ARCN1: variants seen among roughly 807,000 people sequenced by gnomAD.
ARCN1 encodes coatomer subunit delta.
In ARCN1, 5 loss-of-function variants were observed where a neutral mutation model predicts 60.4. The observed-to-expected ratio is 0.08, with a 90% CI of 0.04 to 0.17. The LOEUF is 0.17. Among genes scored for constraint, ARCN1 ranks in the 10% least tolerant of loss-of-function variants. The pLI is 1.00. For synonymous variants in ARCN1, 224 were observed against 220.0 expected, an observed-to-expected ratio of 1.02 and a Z score of -0.16; for missense variants, 464 against 626.5, an observed-to-expected ratio of 0.74 and a Z score of 2.77.
In ARCN1 at chr11:118,593,662, T is replaced by C; in HGVS notation, c.1205T>C (p.Leu402Ser). ...NIEYELQEDN[L>S]ELNDVVITIP... ...GAATATGAGCTACAAGAAGATAATT[T>C]AGAACTGAATGATGTGGTTATCACC... Residue 402 changes from leucine to serine, a missense_variant, in exon 8 of 10, where the codon TTA becomes TCA. This residue lies in a region of ARCN1 where 359 missense variants were observed against 440.2 expected (regional missense o/e 0.82). Transcript: ENST00000264028. The C allele has an allele frequency of 6.2e-7, 1 of 1,613,434 alleles. No homozygotes were observed. Among genetic ancestry groups the C allele is most frequent in the Non-Finnish European group, 8.5e-7 (1 of 1,179,428 alleles).
intron 8 of ARCN1, 176 bp downstream of exon 8, chr11:118,593,874 T>C (rs541176100): frequency 4.7e-5 from 22 of 471,808 alleles, no homozygotes; most frequent in African/African-American, 4.1e-4. Flanking sequence ...CACTTCTTTG[T>C]CTTTCTGGAA....
chr11:118,581,460 A>G lies in ARCN1; in HGVS notation c.218A>G (p.Asn73Ser). 6.2e-7 allele frequency: 1 copy of G among 1,614,200 alleles called. No individual in the cohort carries two copies. The highest frequency in any genetic ancestry group is 8.5e-7 in the Non-Finnish European group (1 of 1,180,032). Residue 73 changes from asparagine to serine, a missense_variant, in exon 2 of 10, where the codon AAC becomes AGC. Asn to Ser is a conservative substitution (Grantham distance 46, BLOSUM62 1). Around this residue, in one of 2 missense-constraint regions of ARCN1, gnomAD observed 105 missense variants for 186.3 expected, o/e 0.56. Transcript: ENST00000264028. ...KLYMVLITTK[N>S]SNILEDLETL... ...TATATGGTACTGATCACTACCAAAA[A>G]CAGCAACATTTTAGAAGATTTGGAG...
At position 118,576,330 on chromosome 11, in the gene ARCN1, T is replaced by G. The variant is rs148974090; in HGVS notation, c.3+3780T>G. Among the ~76,000 whole-genome samples, 135 of 147,020 alleles carry G rather than the reference T, an allele frequency of 9.2e-4. 3 individuals are homozygous for G. In the East Asian group the frequency reaches 0.013, roughly 14 times the overall value. ...TTTTTTTTTAACCGTCCTGGAGAGA[T>G]CATCTAACTTATGGGCCCTCAGTTT... On this transcript the variant is annotated intron_variant, in intron 1 of 9. Coordinates refer to ENST00000264028, the MANE Select transcript of ARCN1 (RefSeq NM_001655.5).
chr11:118,594,994 C>T (rs1938995769), intron 8 of ARCN1, among the ~76,000 whole-genome samples: 1 of 152,136 alleles, frequency 6.6e-6, no homozygotes, highest in Non-Finnish European at 1.5e-5. Context: ...GGATTACAGG[C>T]GTGTGCCACC....
chr11:118,593,568 G>A, intron 7 of ARCN1, 22 bp from the exon 8 acceptor site: 1 of 1,537,926 alleles, frequency 6.5e-7, no homozygotes, highest in Non-Finnish European at 9.0e-7. Context: ...ATTCTAGTAT[G>A]ACTGCTTTGC....
intron 1 of ARCN1, among the ~76,000 whole-genome samples, chr11:118,573,127 G>A (rs1400846832): frequency 1.3e-5 from 2 of 152,200 alleles, no homozygotes; most frequent in Non-Finnish European, 2.9e-5. Flanking sequence ...GGACCCAAGT[G>A]TCTCTGAAAC....
chr11:118,572,930 G>A, intron 1 of ARCN1: 1 of 261,368 alleles, frequency 3.8e-6, no homozygotes, highest in Non-Finnish European at 7.2e-6. Flanking sequence ...AGGCTCAGCA[G>A]GCTGGGCCTG....
intron 7 of ARCN1, 63 bp downstream of exon 7, chr11:118,592,919 T>C: frequency 1.4e-6 from 2 of 1,460,288 alleles, no homozygotes; most frequent in African/African-American, 1.4e-5. Context: ...TAGCCCTTGC[T>C]GGTACACTTT....
intron 1 of ARCN1, among the ~76,000 whole-genome samples, chr11:118,574,634 G>A (rs1938441657): frequency 2.0e-5 from 3 of 152,242 alleles, no homozygotes; most frequent in South Asian, 4.1e-4. Context: ...TTTGGCTTTA[G>A]TTATTGAAGT....
rs113515491 is a variant in ARCN1, at chr11:118,601,074, A to G, written c.*360A>G. On this transcript the variant is annotated 3_prime_UTR_variant, in exon 10 of 10. Transcript: ENST00000264028. ...TATTATTATTATTATTATTATTATT[A>G]TTTTTTGAGATGGAGTCTCACTTTG... is the stretch of plus-strand genomic sequence containing the variant. 1.2e-5 allele frequency: 1 copy of G among 83,878 alleles called. No individual in the cohort carries two copies. Among genetic ancestry groups the G allele is most frequent in the Non-Finnish European group, 2.5e-5 (1 of 39,972 alleles). 5.2% of individuals were successfully genotyped at this position (83,878 alleles called of 1,614,324 possible).
chr11:118,572,419 G>A lies in ARCN1; in HGVS notation c.-129G>A, dbSNP rs554373444. On this transcript the variant is annotated 5_prime_UTR_variant, in exon 1 of 10. Coordinates refer to ENST00000264028, the MANE Select transcript of ARCN1 (RefSeq NM_001655.5). ...TGGCTTGGGGCCGCCATCTTGGCAA[G>A]AGGCGAAGCGGCAGCGGTTCCTGTC... 113 of 830,544 alleles carry A rather than the reference G, an allele frequency of 1.4e-4. 3 individuals are homozygous for A. In the South Asian group the frequency reaches 2.6e-3, roughly 19 times the overall value. 51.4% of individuals were successfully genotyped at this position (830,544 alleles called of 1,614,324 possible). A position where few individuals can be genotyped will look rare whatever the true frequency, so the allele number is the denominator to read the frequency against.
At chr11:118,593,071 T>A (rs538992990) in intron 7 of ARCN1, among the ~76,000 whole-genome samples, 23 of 152,350 alleles carry the variant, frequency 1.5e-4, no homozygotes, top group East Asian at 1.9e-4. Context: ...TTTGTTGTTG[T>A]TATTGTTTTA....
chr11:118,597,915 C>T lies in ARCN1; in HGVS notation c.1446+4C>T. 1 of 1,613,960 alleles carries T rather than the reference C, an allele frequency of 6.2e-7. No individual in the cohort carries two copies. On this transcript the variant is annotated splice_donor_region_variant and intron_variant, in intron 9 of 9. Coordinates refer to ENST00000264028, the MANE Select transcript of ARCN1 (RefSeq NM_001655.5). Reference sequence around the variant, plus strand: ...GAAAAATTACTGTAACATACAGGTACTCCATTTTAGTTGAGAACATATATA... The same window carrying T: ...GAAAAATTACTGTAACATACAGGTATTCCATTTTAGTTGAGAACATATATA...
chr11:118,593,666 A>T lies in ARCN1; in HGVS notation c.1209A>T (p.Glu403Asp). 6.2e-7 allele frequency: 1 copy of T among 1,613,338 alleles called. No homozygotes were observed. Among genetic ancestry groups the T allele is most frequent in the Non-Finnish European group, 8.5e-7 (1 of 1,179,318 alleles). The change falls in exon 8 of 10, where the codon GAA (glutamate) becomes GAT (aspartate). Residue 403 changes from glutamate to aspartate, a missense_variant. By Grantham distance (45) the Glu-to-Asp change is conservative. Transcript: ENST00000264028. ...ATGAGCTACAAGAAGATAATTTAGA[A>T]CTGAATGATGTGGTTATCACCATCC... is the stretch of plus-strand genomic sequence containing the variant. ...IEYELQEDNLELNDVVITIPL... is the reference protein window; with the variant it reads ...IEYELQEDNLDLNDVVITIPL...
In ARCN1 at chr11:118,597,786, T is replaced by C. The variant is rs782625219; in HGVS notation, c.1321T>C (p.Cys441Arg). ...HDSRRNTLEW[C>R]LPVIDAKNKS... ...CAGTCGACGAAATACCCTGGAGTGGTGCCTGCCTGTGATTGATGCCAAAAA... is the reference window on the plus strand; with the variant it reads ...CAGTCGACGAAATACCCTGGAGTGGCGCCTGCCTGTGATTGATGCCAAAAA... Residue 441 changes from cysteine to arginine, a missense_variant, in exon 9 of 10, where the codon TGC becomes CGC. Physicochemically the swap from Cys to Arg is radical, Grantham distance 180. Coordinates refer to ENST00000264028, the MANE Select transcript of ARCN1 (RefSeq NM_001655.5). 1.9e-6 allele frequency: 3 copies of C among 1,614,084 alleles called. No individual in the cohort carries two copies. Among genetic ancestry groups the C allele is most frequent in the Non-Finnish European group, 2.5e-6 (3 of 1,180,052 alleles).
chr11:118,590,626 C>A, intron 6 of ARCN1, 120 bp downstream of exon 6: 1 of 1,040,942 alleles, frequency 9.6e-7, no homozygotes, highest in Non-Finnish European at 1.4e-6. Context: ...TAGCATCACT[C>A]TAAACGCTTA....
chr11:118,597,541 C>G (rs1378126705), intron 8 of ARCN1, among the ~76,000 whole-genome samples, 166 bp from the exon 9 acceptor site: 1 of 142,572 alleles, frequency 7.0e-6, no homozygotes, highest in Non-Finnish European at 1.5e-5. Context: ...GCCCAAGGTG[C>G]TAGGACTTCA....
rs782412760 is a variant in ARCN1 at position 118,593,690 on chromosome 11, C to A, written c.1233C>A (p.Ile411=). 10 of 1,606,662 alleles carry A rather than the reference C, an allele frequency of 6.2e-6. No individual in the cohort carries two copies. Among genetic ancestry groups the A allele is most frequent in the Non-Finnish European group, 8.5e-6 (10 of 1,173,414 alleles). The change falls in exon 8 of 10, where the codon ATC becomes ATA. Residue 411 remains isoleucine, a synonymous_variant. Transcript: ENST00000264028. ...AACTGAATGATGTGGTTATCACCAT[C>A]CCACTCCCGTAAGTGCTGTCCCTGT... ...NLELNDVVIT[I]PLPSGVGAPV...
Position 118,582,462 on chromosome 11 carries a change from C to T in ARCN1, c.268-717C>T, listed in dbSNP as rs566981746. ...TCAGGGTCTTGGGCGTGGTGGCTCACGCTTGTAATCCCAGCACTTTGGGAG... is the reference window on the plus strand; with the variant it reads ...TCAGGGTCTTGGGCGTGGTGGCTCATGCTTGTAATCCCAGCACTTTGGGAG... On this transcript the variant is annotated intron_variant, in intron 2 of 9. Coordinates refer to ENST00000264028, the MANE Select transcript of ARCN1 (RefSeq NM_001655.5). Among the ~76,000 whole-genome samples, 99 of 151,912 alleles carry T rather than the reference C, an allele frequency of 6.5e-4. 2 individuals carry two copies. In the South Asian group the frequency reaches 0.018, roughly 28 times the overall value.
Sources: allele counts gnomAD v4.1 joint callset (sites outside exome capture counted in the v4.1 genomes callset), GRCh38; gene constraint gnomAD v4.1.1; regional missense constraint gnomAD v4.1.1; transcripts MANE v1.5; gene names NCBI Gene and HGNC (gene_info 2026-07-23, HGNC 2026-07-21).